The following HLA-DQA1 variants were observed in gnomAD, a reference collection of about 807,000 sequenced individuals.
HLA-DQA1 encodes the protein major histocompatibility complex, class II, DQ alpha 1.
HLA-DQA1 carries 10 observed loss-of-function variants against 20.7 expected under a neutral mutation model. That is an observed-to-expected ratio of 0.48 (90% CI 0.30 to 0.82). The LOEUF (loss-of-function observed/expected upper bound fraction) is 0.82, where lower values mean the gene tolerates loss of function less well. HLA-DQA1 is among the 40% of genes least tolerant of loss of function. HLA-DQA1 has a pLI of 0.07. For missense variants in HLA-DQA1, 127 were observed against 293.0 expected, an observed-to-expected ratio of 0.43 and a Z score of 4.14; for synonymous variants, 39 against 109.2, an observed-to-expected ratio of 0.36 and a Z score of 4.01.
In HLA-DQA1 at chr6:32,640,823, A is replaced by AAAAG. The variant is rs768146073; in HGVS notation, c.83-481_83-478dup. Among the ~76,000 whole-genome samples, 4 of 111,768 alleles carry AAAAG rather than the reference A, an allele frequency of 3.6e-5. 1 individual carries two copies. Among genetic ancestry groups the AAAAG allele is most frequent in the Non-Finnish European group, 7.8e-5 (4 of 51,596 alleles). The allele number at this position is 111,768 out of a possible 152,430, so 73.3% of individuals were successfully genotyped here. The stretch of plus-strand genomic sequence containing the variant: ...GCATGCTTTTCCTTTAAAAAAAAAA[A>AAAAG]AAAGAAAGATCTCTGTGTAGAGTGT... On this transcript the variant is annotated intron_variant, in intron 1 of 4. Coordinates refer to ENST00000343139, the MANE Select transcript of HLA-DQA1 (RefSeq NM_002122.5).
intron 1 of HLA-DQA1, among the ~76,000 whole-genome samples, chr6:32,640,527 G>A (rs9272643): frequency 0.035 from 2,038 of 58,694 alleles, 107 homozygotes; most frequent in East Asian, 0.13. Flanking sequence ...GAGTCAGAAT[G>A]CTGTAGACAT....
chr6:32,643,574 A>T lies in HLA-DQA1; in HGVS notation c.*643A>T, dbSNP rs9272979. 6.4e-6 allele frequency: 1 copy of T among 156,902 alleles called. No individual in the cohort carries two copies. The highest frequency in any genetic ancestry group is 2.5e-5 in the African/African-American group (1 of 40,048). The allele number at this position is 156,902 out of a possible 1,614,324, so 9.7% of individuals were successfully genotyped here. ...ATAGCAAAAATTTTAGAACCAAAAA[A>T]TAAGTCTGTACTAATTTCAATGTGG... On this transcript the variant is annotated 3_prime_UTR_variant, in exon 5 of 5. Transcript: ENST00000343139.
chr6:32,641,400 T>C lies in HLA-DQA1; in HGVS notation c.173T>C (p.Phe58Ser). 1 of 1,132,234 alleles carries C rather than the reference T, an allele frequency of 8.8e-7. No individual in the cohort carries two copies. Among genetic ancestry groups the C allele is most frequent in the Non-Finnish European group, 1.2e-6 (1 of 803,826 alleles). 70.1% of individuals were successfully genotyped at this position (1,132,234 alleles called of 1,614,324 possible). A position where few individuals can be genotyped will look rare whatever the true frequency, so the allele number is the denominator to read the frequency against. The change falls in exon 2 of 5, where the codon TTC (phenylalanine) becomes TCC (serine). Residue 58 changes from phenylalanine to serine, a missense_variant. Around this residue, in one of 4 missense-constraint regions of HLA-DQA1, gnomAD observed 15 missense variants for 56.2 expected, o/e 0.27. Transcript: ENST00000343139. ...CATGAATTTGATGGAGATGAGCAGT[T>C]CTACGTGGACCTGGAGAGGAAGGAG... ...YTHEFDGDEQ[F>S]YVDLERKETA...
downstream of HLA-DQA1, among the ~76,000 whole-genome samples, chr6:32,650,930 G>A (rs1210951051): frequency 2.7e-5 from 2 of 73,874 alleles, 1 homozygote; most frequent in African/African-American, 9.5e-5. Context: ...GTCTCGCTTT[G>A]TTGCCCAGGC....
the HLA-DQA1 span, among the ~76,000 whole-genome samples, chr6:32,652,961 C>CTT: frequency 0.16 from 24,102 of 148,982 alleles, 2,304 homozygotes; most frequent in East Asian, 0.3. Flanking sequence ...TCAGAGTTGG[C>CTT]CCAAATTAGG....
intron 1 of HLA-DQA1, among the ~76,000 whole-genome samples, chr6:32,640,640 G>A (rs28383413): frequency 0.15 from 14,738 of 97,954 alleles, 2,264 homozygotes; most frequent in East Asian, 0.24. Flanking sequence ...GAAATCAGTT[G>A]CTCTCCTCTA....
At position 32,642,014 on chromosome 6, in the gene HLA-DQA1, T is replaced by A; in HGVS notation, c.374T>A (p.Leu125Gln). 1 of 1,551,838 alleles carries A rather than the reference T, an allele frequency of 6.4e-7. No homozygotes were observed. Among genetic ancestry groups the A allele is most frequent in the South Asian group, 1.1e-5 (1 of 89,802 alleles). The change falls in exon 3 of 5, where the codon CTG becomes CAG. Residue 125 changes from leucine to glutamine, a missense_variant. Physicochemically the swap from Leu to Gln is moderately radical, Grantham distance 113. Coordinates refer to ENST00000343139, the MANE Select transcript of HLA-DQA1 (RefSeq NM_002122.5). ...GTGTTTTCCAAGTCTCCCGTGACAC[T>A]GGGTCAGCCCAACACCCTCATTTGT... is the stretch of plus-strand genomic sequence containing the variant. ...VTVFSKSPVTLGQPNTLICLV... is the reference protein window; with the variant it reads ...VTVFSKSPVTQGQPNTLICLV...
At chr6:32,647,910 A>G (rs1407408754), downstream of HLA-DQA1, among the ~76,000 whole-genome samples, 5 of 152,158 alleles carry the variant, frequency 3.3e-5, no homozygotes, top group African/African-American at 4.8e-5. Context: ...AGATACATTC[A>G]TTGTCTTCAT....
Position 32,641,961 on chromosome 6 carries a change from C to T in HLA-DQA1, c.332-11C>T. ...TTCACACTTCACACCAGTGCTGTTT[C>T]CTCACCACAGAGGTTCCTGAGGTCA... is the stretch of plus-strand genomic sequence containing the variant. On this transcript the variant is annotated splice_polypyrimidine_tract_variant and intron_variant, in intron 2 of 4. Coordinates refer to ENST00000343139, the MANE Select transcript of HLA-DQA1 (RefSeq NM_002122.5). 6.5e-7 allele frequency: 1 copy of T among 1,532,512 alleles called. No individual in the cohort carries two copies. Among genetic ancestry groups the T allele is most frequent in the Non-Finnish European group, 8.8e-7 (1 of 1,138,558 alleles). The allele number at this position is 1,532,512 out of a possible 1,614,324, so 94.9% of individuals were successfully genotyped here.
At chr6:32,650,680 T>G (rs1782141895), downstream of HLA-DQA1, among the ~76,000 whole-genome samples, 1 of 85,052 alleles carries the variant, frequency 1.2e-5, no homozygotes, top group Non-Finnish European at 2.5e-5. Context: ...GAGGTGAACA[T>G]TACACACAGG....
Position 32,641,532 on chromosome 6 carries a change from G to A in HLA-DQA1, c.305G>A (p.Arg102His), listed in dbSNP as rs759480677. ...CACAACTTGAACATCATGATTAAAC[G>A]CTACAACTCTACCGCTGCTACCAAT... is the stretch of plus-strand genomic sequence containing the variant. ...AKHNLNIMIKRYNSTAATNEV... is the reference protein window; with the variant it reads ...AKHNLNIMIKHYNSTAATNEV... Residue 102 changes from arginine to histidine, a missense_variant, in exon 2 of 5, where the codon CGC becomes CAC. Arg to His is a conservative substitution (Grantham distance 29). Coordinates refer to ENST00000343139, the MANE Select transcript of HLA-DQA1 (RefSeq NM_002122.5). 2.9e-6 allele frequency: 3 copies of A among 1,027,054 alleles called. 1 individual carries two copies. Among genetic ancestry groups the A allele is most frequent in the Non-Finnish European group, 4.0e-6 (3 of 746,648 alleles). 63.6% of individuals were successfully genotyped at this position (1,027,054 alleles called of 1,614,324 possible). A position where few individuals can be genotyped will look rare whatever the true frequency, so the allele number is the denominator to read the frequency against.
At chr6:32,647,975 ATG>A (rs1440895275), downstream of HLA-DQA1, among the ~76,000 whole-genome samples, 1 of 151,362 alleles carries the variant, frequency 6.6e-6, no homozygotes, top group African/African-American at 2.4e-5. Context: ...TTCCACAAAC[ATG>A]TAATTACAAA....
At chr6:32,645,469 A>C (rs1473936755), downstream of HLA-DQA1, 1 of 146,374 alleles carries the variant, frequency 6.8e-6, no homozygotes, top group Middle Eastern at 3.2e-3. Flanking sequence ...CACTCCTATG[A>C]GAATCTAATG....
chr6:32,648,126 A>G (rs9368731), downstream of HLA-DQA1, among the ~76,000 whole-genome samples: 13,574 of 95,730 alleles, frequency 0.14, 1,179 homozygotes, highest in Middle Eastern at 0.3. Context: ...CAGTAGGTAA[A>G]GGACAAGGTT....
chr6:32,642,469 T>G (rs9272773), intron 3 of HLA-DQA1, 141 bp from the exon 4 acceptor site: 116,646 of 589,444 alleles, frequency 0.2, 33,426 homozygotes, highest in East Asian at 0.35. Flanking sequence ...CACTTCATGG[T>G]TTTCTAATGA....
chr6:32,643,337 C>G lies in HLA-DQA1; in HGVS notation c.*406C>G, dbSNP rs1246246271. ...TAATAATTGGGGTACTCTTATGTTTCAATCCAATTTAACCTCATTTCCCAG... is the reference window on the plus strand; with the variant it reads ...TAATAATTGGGGTACTCTTATGTTTGAATCCAATTTAACCTCATTTCCCAG... On this transcript the variant is annotated 3_prime_UTR_variant, in exon 5 of 5. Transcript: ENST00000343139. The G allele has an allele frequency of 1.7e-5, 5 of 290,910 alleles. No homozygotes were observed. In the East Asian group the frequency reaches 4.9e-4, roughly 28 times the overall value. The allele number at this position is 290,910 out of a possible 1,614,324, so 18.0% of individuals were successfully genotyped here. A position where few individuals can be genotyped will look rare whatever the true frequency, so the allele number is the denominator to read the frequency against.
At chr6:32,646,557 T>C (rs9273268), downstream of HLA-DQA1, 12 of 65,722 alleles carry the variant, frequency 1.8e-4, no homozygotes, top group East Asian at 5.1e-4. Context: ...CAGGACTCCA[T>C]CTCTAAAAGT....
the HLA-DQA1 span, among the ~76,000 whole-genome samples, chr6:32,652,426 A>G: frequency 0.21 from 16,988 of 80,536 alleles, 4,054 homozygotes; most frequent in South Asian, 0.26. Context: ...TAGTAAAGTG[A>G]AACTGTTAAT....
chr6:32,650,264 T>A (rs1448653158), downstream of HLA-DQA1, among the ~76,000 whole-genome samples: 2 of 97,096 alleles, frequency 2.1e-5, 1 homozygote, highest in Non-Finnish European at 4.6e-5. Context: ...GTAAATTAGT[T>A]CAACCATTGT....
Sources: allele counts gnomAD v4.1 joint callset (sites outside exome capture counted in the v4.1 genomes callset), GRCh38; gene constraint gnomAD v4.1.1; regional missense constraint gnomAD v4.1.1; transcripts MANE v1.5; gene names NCBI Gene and HGNC (gene_info 2026-07-23, HGNC 2026-07-21).